The following ARHGAP21 variants were observed in gnomAD, a reference collection of about 807,000 sequenced individuals.
ARHGAP21 encodes the protein rho GTPase-activating protein 21.
In ARHGAP21, 38 loss-of-function variants were observed where a neutral mutation model predicts 164.6. The observed-to-expected ratio is 0.23, with a 90% CI of 0.18 to 0.30. The LOEUF is 0.30. Ranked by LOEUF, ARHGAP21 falls within the 10% of genes least tolerant of loss-of-function variation. The pLI, the probability that ARHGAP21 is intolerant of heterozygous loss-of-function variation, is 1.00. For synonymous variants in ARHGAP21, 766 were observed against 857.9 expected (o/e 0.89, Z 1.87); for missense variants, 1,822 against 2,370.7 (o/e 0.77, Z 4.81).
chr10:24,713,315 A>T (rs757520461), intron 2 of ARHGAP21, among the ~76,000 whole-genome samples: 3 of 152,230 alleles, frequency 2.0e-5, no homozygotes, highest in African/African-American at 4.8e-5. Flanking sequence ...AGAGATAAGC[A>T]ACAGGGGAAA....
intron 25 of ARHGAP21, among the ~76,000 whole-genome samples, chr10:24,587,591 C>T (rs917619068): frequency 3.9e-5 from 6 of 152,192 alleles, no homozygotes; most frequent in African/African-American, 1.2e-4. Context: ...CAGCACATTT[C>T]TAATGGTTAT....
chr10:24,628,982 A>ATTTTT lies in ARHGAP21; in HGVS notation c.495+1009_495+1013dup, dbSNP rs1166249007. 1.5e-3 allele frequency: 17 copies of ATTTTT among 11,632 alleles called. 3 individuals carry two copies. The highest frequency in any genetic ancestry group is 7.0e-3 in the African/African-American group (10 of 1,436). The allele number at this position is 11,632 out of a possible 1,614,324, so 0.7% of individuals were successfully genotyped here. A position where few individuals can be genotyped will look rare whatever the true frequency, so the allele number is the denominator to read the frequency against. The stretch of plus-strand genomic sequence containing the variant: ...TATATATATATATATATATATATAT[A>ATTTTT]TTTTTTTTTTTTTTTTTTTTTTTTT... On this transcript the variant is annotated intron_variant, in intron 7 of 25. Coordinates refer to ENST00000396432, the MANE Select transcript of ARHGAP21 (RefSeq NM_020824.4).
At position 24,585,309 on chromosome 10, in the gene ARHGAP21, T is replaced by C; in HGVS notation, c.4980A>G (p.Glu1660=). ...AATTTCTCCGGCTGCTCTTAGTCAC[T>C]TCTTGCAGTTTTCCTCGGAAAAGCC... The part of the protein sequence containing the change: ...SERLFRGKLQ[E]VTKSSRRNSE... The change falls in exon 26 of 26, where the codon GAA becomes GAG. Residue 1660 remains glutamate, a synonymous_variant. Transcript: ENST00000396432. The C allele has an allele frequency of 6.2e-7, 1 of 1,611,866 alleles. No homozygotes were observed. Among genetic ancestry groups the C allele is most frequent in the Non-Finnish European group, 8.5e-7 (1 of 1,179,998 alleles).
intron 2 of ARHGAP21, among the ~76,000 whole-genome samples, chr10:24,706,158 AAATAC>A (rs1216349855): frequency 1.3e-5 from 2 of 152,238 alleles, no homozygotes; most frequent in Non-Finnish European, 2.9e-5. Context: ...ACTTTCTAAT[AAATAC>A]AATGTCAGAT....
At chr10:24,653,746 C>T (rs1262468540) in intron 4 of ARHGAP21, among the ~76,000 whole-genome samples, 2 of 152,090 alleles carry the variant, frequency 1.3e-5, no homozygotes, top group African/African-American at 4.8e-5. Context: ...TTACTCTTTC[C>T]TAGGATTTCA....
intron 9 of ARHGAP21, among the ~76,000 whole-genome samples, chr10:24,612,705 AT>A (rs2077318733): frequency 6.6e-6 from 1 of 151,688 alleles, no homozygotes; most frequent in Non-Finnish European, 1.5e-5. Flanking sequence ...ATACAAAAAA[AT>A]TAGCCAGGTG....
At chr10:24,714,798 G>A (rs1175979436) in intron 2 of ARHGAP21, among the ~76,000 whole-genome samples, 1 of 152,008 alleles carries the variant, frequency 6.6e-6, no homozygotes, top group African/African-American at 2.4e-5. Context: ...ACTTTGGGAG[G>A]CCACAGTAGG....
At chr10:24,625,500 G>A (rs993342589) in intron 7 of ARHGAP21, among the ~76,000 whole-genome samples, 14 of 149,280 alleles carry the variant, frequency 9.4e-5, no homozygotes, top group Admixed American at 3.3e-4. Flanking sequence ...GATGGAGAAG[G>A]ACTTTCTTTT....
At chr10:24,612,980 A>C (rs1014507521) in intron 9 of ARHGAP21, among the ~76,000 whole-genome samples, 1 of 152,198 alleles carries the variant, frequency 6.6e-6, no homozygotes, top group Non-Finnish European at 1.5e-5. Flanking sequence ...AAATGATCTT[A>C]TTAATAGTCA....
At chr10:24,634,457 T>C (rs1836172900) in intron 5 of ARHGAP21, among the ~76,000 whole-genome samples, 1 of 152,208 alleles carries the variant, frequency 6.6e-6, no homozygotes, top group African/African-American at 2.4e-5. Flanking sequence ...ATGAAATCTC[T>C]ACTTAGGGTT....
rs567454930 is a variant in ARHGAP21 at position 24,607,830 on chromosome 10, G to T, written c.2496C>A (p.Thr832=). The part of the protein sequence containing the change: ...IPASAVISAS[T]SQVPSIATVP... The stretch of plus-strand genomic sequence containing the variant: ...CTGTTGCTATGGAGGGGACCTGAGA[G>T]GTAGAGGCTGATATAACAGCAGAGG... The change falls in exon 10 of 26, where the codon ACC becomes ACA. Residue 832 remains threonine (T), a synonymous_variant. Coordinates refer to ENST00000396432, the MANE Select transcript of ARHGAP21 (RefSeq NM_020824.4). 1 of 1,614,132 alleles carries T rather than the reference G, an allele frequency of 6.2e-7. No homozygotes were observed. The highest frequency in any genetic ancestry group is 1.1e-5 in the South Asian group (1 of 91,076).
chr10:24,700,493 T>C (rs1020798395), intron 2 of ARHGAP21, among the ~76,000 whole-genome samples: 9 of 152,152 alleles, frequency 5.9e-5, no homozygotes, highest in Non-Finnish European at 1.0e-4. Flanking sequence ...CCCTAACTGA[T>C]TAAAATAATA....
chr10:24,710,915 G>A (rs150085956), intron 2 of ARHGAP21, among the ~76,000 whole-genome samples: 1 of 152,000 alleles, frequency 6.6e-6, no homozygotes, highest in Non-Finnish European at 1.5e-5. Flanking sequence ...CCAACATGGC[G>A]AAACCCCATC....
intron 17 of ARHGAP21, chr10:24,596,271 T>C (rs949435957): frequency 4.4e-6 from 2 of 449,570 alleles, no homozygotes; most frequent in Non-Finnish European, 7.7e-6. Context: ...CCCAGAGAGA[T>C]AACATTCTAA....
chr10:24,681,128 A>G (rs1466288856), intron 2 of ARHGAP21, among the ~76,000 whole-genome samples: 1 of 152,246 alleles, frequency 6.6e-6, no homozygotes, highest in East Asian at 1.9e-4. Flanking sequence ...TAAAGCAAAT[A>G]AAGGTGATAA....
intron 2 of ARHGAP21, among the ~76,000 whole-genome samples, chr10:24,682,546 A>G (rs1841867731): frequency 6.6e-6 from 1 of 152,142 alleles, no homozygotes; most frequent in South Asian, 2.1e-4. Context: ...ATTTTTCAAC[A>G]TGTGGAAATC....
chr10:24,593,940 G>A (rs2076458650), intron 21 of ARHGAP21, among the ~76,000 whole-genome samples: 1 of 151,640 alleles, frequency 6.6e-6, no homozygotes, highest in South Asian at 2.1e-4. Flanking sequence ...AGCACCTAAA[G>A]GAAGTAAGCT....
rs2076921378 is a variant in ARHGAP21 at position 24,604,018 on chromosome 10, G to A, written c.2721+294C>T. On this transcript the variant is annotated intron_variant, in intron 12 of 25. Transcript: ENST00000396432. ...AGTTTCTATGTTTTCAGGGAAGTAT[G>A]AGGGGAGGGAGAAGAAAGAGAACAG... 2.7e-5 allele frequency among the ~76,000 whole-genome samples: 4 copies of A among 149,608 alleles called. No homozygotes were observed. In the Admixed American group the frequency reaches 2.7e-4, roughly 10 times the overall value.
At chr10:24,611,523 G>T (rs1481172049) in intron 9 of ARHGAP21, among the ~76,000 whole-genome samples, 1 of 152,074 alleles carries the variant, frequency 6.6e-6, no homozygotes, top group African/African-American at 2.4e-5. Context: ...GGCCAACATG[G>T]TGAAGCTCCA....
Sources: allele counts gnomAD v4.1 joint callset (sites outside exome capture counted in the v4.1 genomes callset), GRCh38; gene constraint gnomAD v4.1.1; transcripts MANE v1.5; gene names NCBI Gene and HGNC (gene_info 2026-07-23, HGNC 2026-07-21).